The following OLA1 variants were observed in gnomAD, a reference collection of about 807,000 sequenced individuals.
OLA1 encodes the protein Obg like ATPase 1, also known as obg-like ATPase 1.
In OLA1, 14 loss-of-function variants were observed where a neutral mutation model predicts 48.4. That is an observed-to-expected ratio of 0.29 (90% confidence interval 0.19 to 0.45). The LOEUF (loss-of-function observed/expected upper bound fraction) is 0.45. OLA1 is among the 20% of genes least tolerant of loss of function. The pLI is 1.00. For synonymous variants in OLA1, 127 were observed against 150.4 expected (o/e 0.84, Z 1.14); for missense variants, 325 against 467.1 (o/e 0.70, Z 2.80).
rs79274162 is a variant in OLA1, at chr2:174,134,121, G to A, written c.549+7704C>T. On this transcript the variant is annotated intron_variant, in intron 5 of 10. Transcript: ENST00000284719. ...AGTATCAGTACTTCATTCCTTTTTG[G>A]CTATTATGAATATTGCCACTATGAA... 7.2e-3 allele frequency among the ~76,000 whole-genome samples: 1,102 copies of A among 152,166 alleles called. 13 individuals are homozygous for A. The highest frequency in any genetic ancestry group is 0.011 in the Non-Finnish European group (727 of 68,008).
At chr2:174,174,695 G>A (rs572571888) in intron 4 of OLA1, among the ~76,000 whole-genome samples, 2 of 152,008 alleles carry the variant, frequency 1.3e-5, no homozygotes, top group African/African-American at 4.8e-5. Context: ...TCGCCTTCAT[G>A]GATTGGTAGT....
rs781032535 is a variant in OLA1 at position 174,139,890 on chromosome 2, AAAG to A, written c.549+1932_549+1934del. Among the ~76,000 whole-genome samples, 761 of 148,150 alleles carry A rather than the reference AAAG, an allele frequency of 5.1e-3. 11 individuals carry two copies. Among genetic ancestry groups the A allele is most frequent in the Middle Eastern group, 0.011 (3 of 272 alleles). Reference sequence around the variant, plus strand: ...AAAAAAAAAAAAAAAAGAAAGAAAGAAAGAAAAAAAAAAGGTATATCTTATGTC... The same window carrying A: ...AAAAAAAAAAAAAAAAGAAAGAAAGAAAAAAAAAAAGGTATATCTTATGTC... On this transcript the variant is annotated intron_variant, in intron 5 of 10. Transcript: ENST00000284719.
At chr2:174,129,199 C>T (rs1412824538) in intron 5 of OLA1, among the ~76,000 whole-genome samples, 1 of 152,172 alleles carries the variant, frequency 6.6e-6, no homozygotes, top group Non-Finnish European at 1.5e-5. Context: ...TGGCTCACGC[C>T]TGTAATCCCA....
In OLA1 at chr2:174,074,614, C is replaced by A. The variant is rs190767370; in HGVS notation, c.*812G>T. ...CCAGACATCAATGGGTCAGTTTTTA[C>A]AATTTAATAATTTCAAAGGAAAGAT... On this transcript the variant is annotated 3_prime_UTR_variant, in exon 11 of 11. Coordinates refer to ENST00000284719, the MANE Select transcript of OLA1 (RefSeq NM_013341.5). 4 of 152,236 alleles carry A rather than the reference C, an allele frequency of 2.6e-5. No homozygotes were observed. The highest frequency in any genetic ancestry group is 1.3e-4 in the Admixed American group (2 of 15,294). The allele number at this position is 152,236 out of a possible 1,614,324, so 9.4% of individuals were successfully genotyped here.
chr2:174,195,731 C>A (rs16862465), intron 4 of OLA1, among the ~76,000 whole-genome samples: 1 of 152,106 alleles, frequency 6.6e-6, no homozygotes, highest in African/African-American at 2.4e-5. Context: ...AGGCATACCA[C>A]TGGCTACTTT....
chr2:174,088,232 A>G (rs1685027965), intron 7 of OLA1, among the ~76,000 whole-genome samples: 1 of 152,228 alleles, frequency 6.6e-6, no homozygotes, highest in African/African-American at 2.4e-5. Flanking sequence ...TGGATGTACC[A>G]TTAATCCAGG....
intron 4 of OLA1, among the ~76,000 whole-genome samples, chr2:174,144,460 C>T (rs1005968187): frequency 5.9e-5 from 9 of 152,076 alleles, no homozygotes; most frequent in Admixed American, 1.3e-4. Context: ...TACCCTAGAA[C>T]GGGCCTAGAA....
intron 4 of OLA1, among the ~76,000 whole-genome samples, chr2:174,211,133 G>C (rs1230415728): frequency 6.6e-6 from 1 of 151,624 alleles, no homozygotes; most frequent in Admixed American, 6.6e-5. Context: ...AGGACAAAGA[G>C]GTAAGGGCAG....
At chr2:174,155,365 T>C (rs1686849873) in intron 4 of OLA1, among the ~76,000 whole-genome samples, 1 of 152,172 alleles carries the variant, frequency 6.6e-6, no homozygotes, top group African/African-American at 2.4e-5. Flanking sequence ...AACTACAGAT[T>C]CTAGATGAAG....
chr2:174,181,754 A>G (rs1687546005), intron 4 of OLA1, among the ~76,000 whole-genome samples: 1 of 152,092 alleles, frequency 6.6e-6, no homozygotes, highest in Admixed American at 6.5e-5. Flanking sequence ...TCAGTTATTT[A>G]CTCAACTGTC....
chr2:174,201,585 T>G (rs549378019), intron 4 of OLA1, among the ~76,000 whole-genome samples: 2 of 152,294 alleles, frequency 1.3e-5, no homozygotes, highest in South Asian at 4.2e-4. Context: ...ACTTCTAGAC[T>G]CAAGCGATCT....
intron 2 of OLA1, among the ~76,000 whole-genome samples, chr2:174,240,622 G>A (rs1688978229): frequency 6.6e-6 from 1 of 151,954 alleles, no homozygotes. Flanking sequence ...CATATGGAAA[G>A]ATGCTCAAAA....
At chr2:174,146,057 G>C (rs952404347) in intron 4 of OLA1, among the ~76,000 whole-genome samples, 1 of 152,184 alleles carries the variant, frequency 6.6e-6, no homozygotes, top group Non-Finnish European at 1.5e-5. Context: ...TGAGGGAAGA[G>C]GGTTCTTCTA....
intron 5 of OLA1, among the ~76,000 whole-genome samples, chr2:174,127,059 A>G (rs1686061644): frequency 6.6e-6 from 1 of 152,168 alleles, no homozygotes; most frequent in African/African-American, 2.4e-5. Flanking sequence ...GACTCTTCTT[A>G]CTCAGAGCTT....
intron 2 of OLA1, among the ~76,000 whole-genome samples, chr2:174,230,384 C>A (rs1688701301): frequency 6.6e-6 from 1 of 151,944 alleles, no homozygotes; most frequent in South Asian, 2.1e-4. Flanking sequence ...TTCAGAATAA[C>A]CAATAGTTAT....
intron 9 of OLA1, among the ~76,000 whole-genome samples, chr2:174,079,716 A>G (rs1311713897): frequency 6.6e-6 from 1 of 151,968 alleles, no homozygotes; most frequent in Non-Finnish European, 1.5e-5. Context: ...TTACAAGGAT[A>G]TATATTCCAC....
intron 4 of OLA1, among the ~76,000 whole-genome samples, chr2:174,179,545 A>G (rs1380802681): frequency 1.3e-5 from 2 of 152,108 alleles, no homozygotes; most frequent in East Asian, 3.9e-4. Flanking sequence ...TATCTGAAAA[A>G]CAGAAAAAGA....
chr2:174,138,464 A>C (rs1192046500), intron 5 of OLA1, among the ~76,000 whole-genome samples: 1 of 152,248 alleles, frequency 6.6e-6, no homozygotes, highest in South Asian at 2.1e-4. Flanking sequence ...AGGAACATCA[A>C]AGATCACCAG....
At chr2:174,079,117 T>A (rs1382456592) in intron 9 of OLA1, 27 bp from the exon 10 acceptor site, 1 of 1,568,228 alleles carries the variant, frequency 6.4e-7, no homozygotes, top group Admixed American at 2.0e-5. Flanking sequence ...CAGAGAAAAC[T>A]AATTGCATTT....
Sources: allele counts gnomAD v4.1 joint callset (sites outside exome capture counted in the v4.1 genomes callset), GRCh38; gene constraint gnomAD v4.1.1; transcripts MANE v1.5; gene names NCBI Gene and HGNC (gene_info 2026-07-23, HGNC 2026-07-21).